The following PARM1 variants were observed in gnomAD, a reference collection of about 807,000 sequenced individuals.
PARM1 encodes the protein WSC4, cell wall integrity and stress response component 4 homolog.
A neutral mutation model predicts 24.6 loss-of-function variants in PARM1; 14 were observed. That is an observed-to-expected ratio of 0.57 (90% CI 0.38 to 0.89). The LOEUF is 0.89. Ranked by LOEUF, PARM1 falls within the 40% of genes least tolerant of loss-of-function variation. PARM1 has a pLI of 0.00. For synonymous variants in PARM1, 179 were observed against 156.6 expected (o/e 1.14, Z -1.07); for missense variants, 362 against 380.4 (o/e 0.95, Z 0.40).
chr4:75,001,552 G>C, intron 1 of PARM1, among the ~76,000 whole-genome samples: 1 of 152,126 alleles, frequency 6.6e-6, no homozygotes, highest in African/African-American at 2.4e-5. Context: ...CGGTAGCACA[G>C]GTATACACAT....
At chr4:74,971,218 G>C (rs758677346) in intron 1 of PARM1, among the ~76,000 whole-genome samples, 1 of 152,192 alleles carries the variant, frequency 6.6e-6, no homozygotes, top group African/African-American at 2.4e-5. Context: ...AGGCGAAGGA[G>C]CAAAGGCATG....
intron 3 of PARM1, among the ~76,000 whole-genome samples, chr4:75,034,982 G>A (rs1723342408): frequency 6.6e-6 from 1 of 152,096 alleles, no homozygotes; most frequent in Non-Finnish European, 1.5e-5. Flanking sequence ...CTGAAGTCCT[G>A]AACTTCAGAA....
intron 1 of PARM1, among the ~76,000 whole-genome samples, chr4:74,950,068 C>T (rs552302845): frequency 2.6e-5 from 4 of 152,204 alleles, no homozygotes; most frequent in Admixed American, 2.6e-4. Context: ...TGCCCAGAAG[C>T]AAAGGTTATC....
chr4:75,033,805 G>A, intron 2 of PARM1, 78 bp from the exon 3 acceptor site: 2 of 1,125,692 alleles, frequency 1.8e-6, no homozygotes, highest in Non-Finnish European at 2.5e-6. Flanking sequence ...GGCAGAAGGT[G>A]GATACTACGC....
At chr4:75,041,253 A>G (rs1396914931) in intron 3 of PARM1, among the ~76,000 whole-genome samples, 2 of 152,234 alleles carry the variant, frequency 1.3e-5, no homozygotes, top group Admixed American at 6.5e-5. Context: ...GATGGAAACA[A>G]TGAAAAGGAG....
chr4:75,012,453 A>G lies in PARM1; in HGVS notation c.72A>G (p.Ser24=), dbSNP rs749936199. Residue 24 remains serine, a synonymous_variant, in exon 2 of 4, where the codon TCA becomes TCG. Transcript: ENST00000307428. Reference sequence around the variant, plus strand: ...GGAGGGTACAGAGTCTGCCTACATCAGCTCCTTTGTCTGTTTCTCTTCCGA... The same window carrying G: ...GGAGGGTACAGAGTCTGCCTACATCGGCTCCTTTGTCTGTTTCTCTTCCGA... ...AGWRVQSLPT[S]APLSVSLPTN... The G allele has an allele frequency of 5.6e-6, 9 of 1,613,826 alleles. No homozygotes were observed. In the South Asian group the frequency reaches 9.9e-5, roughly 18 times the overall value.
chr4:75,026,379 T>G (rs1212007645), intron 2 of PARM1, among the ~76,000 whole-genome samples: 1 of 152,232 alleles, frequency 6.6e-6, no homozygotes, highest in Non-Finnish European at 1.5e-5. Flanking sequence ...ATGTCTTATA[T>G]GTATAATATG....
chr4:75,017,920 G>A (rs1441401687), intron 2 of PARM1, among the ~76,000 whole-genome samples: 3 of 152,210 alleles, frequency 2.0e-5, no homozygotes, highest in Non-Finnish European at 2.9e-5. Context: ...GTTATTAGAA[G>A]GTTCAGGTAA....
intron 1 of PARM1, among the ~76,000 whole-genome samples, chr4:74,992,220 A>G (rs1221358157): frequency 6.6e-6 from 1 of 152,192 alleles, no homozygotes; most frequent in Non-Finnish European, 1.5e-5. Flanking sequence ...TTAGGTGGGC[A>G]TAACATCCAG....
intron 3 of PARM1, among the ~76,000 whole-genome samples, chr4:75,035,746 A>G (rs552123370): frequency 1.5e-3 from 228 of 152,310 alleles, no homozygotes; most frequent in African/African-American, 5.3e-3. Context: ...TACGATACAA[A>G]GAACAGGAAA....
At chr4:75,032,841 G>A (rs1313390591) in intron 2 of PARM1, among the ~76,000 whole-genome samples, 1 of 152,186 alleles carries the variant, frequency 6.6e-6, no homozygotes, top group Non-Finnish European at 1.5e-5. Flanking sequence ...TGAAGTACTA[G>A]TAAATAATTT....
chr4:74,941,255 G>A (rs961606602), intron 1 of PARM1, among the ~76,000 whole-genome samples: 5 of 152,174 alleles, frequency 3.3e-5, no homozygotes, highest in Non-Finnish European at 7.3e-5. Context: ...TATTCAGATA[G>A]GTCAGAGCAC....
intron 3 of PARM1, among the ~76,000 whole-genome samples, chr4:75,037,869 C>T (rs964031872): frequency 6.6e-6 from 1 of 152,194 alleles, no homozygotes; most frequent in Non-Finnish European, 1.5e-5. Flanking sequence ...GTAATGAATG[C>T]AGAGTAACTG....
Position 74,998,049 on chromosome 4 carries a change from T to G in PARM1, c.44-14376T>G, listed in dbSNP as rs147283311. On this transcript the variant is annotated intron_variant, in intron 1 of 3. Coordinates refer to ENST00000307428, the MANE Select transcript of PARM1 (RefSeq NM_015393.4). ...TTTAATAGCATCTGTCAGCAATGGTTGCAGAGTAGCATTTTAATAGTTCCC... is the reference window on the plus strand; with the variant it reads ...TTTAATAGCATCTGTCAGCAATGGTGGCAGAGTAGCATTTTAATAGTTCCC... Among the ~76,000 whole-genome samples the G allele has an allele frequency of 3.3e-3, 507 of 152,346 alleles. 6 individuals carry two copies. Among genetic ancestry groups the G allele is most frequent in the African/African-American group, 0.011 (472 of 41,582 alleles).
intron 1 of PARM1, among the ~76,000 whole-genome samples, chr4:74,933,584 A>AGCCCGC (rs542896346): frequency 1.2e-4 from 19 of 152,320 alleles, no homozygotes; most frequent in South Asian, 4.1e-4. Flanking sequence ...TTCCTGCCGC[A>AGCCCGC]GCCCGCGCCC....
chr4:75,021,090 A>C, intron 2 of PARM1, among the ~76,000 whole-genome samples: 1 of 152,220 alleles, frequency 6.6e-6, no homozygotes, highest in Non-Finnish European at 1.5e-5. Flanking sequence ...TGTCTGGCTC[A>C]GTGTAGGTTT....
At chr4:75,025,574 A>C (rs1281266777) in intron 2 of PARM1, among the ~76,000 whole-genome samples, 1 of 152,148 alleles carries the variant, frequency 6.6e-6, no homozygotes. Context: ...GGTAACCAAG[A>C]ACTGTGCCGT....
chr4:74,933,257 C>G lies in PARM1; in HGVS notation c.-71C>G. 1 of 1,386,406 alleles carries G rather than the reference C, an allele frequency of 7.2e-7. No homozygotes were observed. The highest frequency in any genetic ancestry group is 1.0e-6 in the Non-Finnish European group (1 of 979,772). 85.9% of individuals were successfully genotyped at this position (1,386,406 alleles called of 1,614,324 possible). On this transcript the variant is annotated 5_prime_UTR_variant, in exon 1 of 4. Transcript: ENST00000307428. ...CCCGGCAGAGGAGTCGCTACCAGCGCCCAGTGCGCTCTGTCAGTCCGCAAA... is the reference window on the plus strand; with the variant it reads ...CCCGGCAGAGGAGTCGCTACCAGCGGCCAGTGCGCTCTGTCAGTCCGCAAA...
At chr4:74,936,555 G>A (rs774504771) in intron 1 of PARM1, among the ~76,000 whole-genome samples, 8 of 151,008 alleles carry the variant, frequency 5.3e-5, no homozygotes, top group African/African-American at 1.2e-4. Flanking sequence ...CCGGGTTCAC[G>A]CCATTCTCCT....
Sources: allele counts gnomAD v4.1 joint callset (sites outside exome capture counted in the v4.1 genomes callset), GRCh38; gene constraint gnomAD v4.1.1; transcripts MANE v1.5; gene names NCBI Gene and HGNC (gene_info 2026-07-23, HGNC 2026-07-21).